The following STRN4 variants were observed in gnomAD, a reference collection of about 807,000 sequenced individuals.
The protein encoded by STRN4 is striatin-4.
STRN4 carries 27 observed loss-of-function variants against 77.9 expected under a neutral mutation model. The observed-to-expected ratio is 0.35, with a 90% CI of 0.26 to 0.48. The LOEUF is 0.48. Among genes scored for constraint, STRN4 ranks in the 20% least tolerant of loss-of-function variants. STRN4 has a pLI of 0.99. For synonymous variants in STRN4, 466 were observed against 443.1 expected, an observed-to-expected ratio of 1.05 and a Z score of -0.65; for missense variants, 798 against 1,049.7, an observed-to-expected ratio of 0.76 and a Z score of 3.31.
At chr19:46,740,590 T>C (rs547179848) in intron 1 of STRN4, among the ~76,000 whole-genome samples, 9 of 151,950 alleles carry the variant, frequency 5.9e-5, no homozygotes, top group Non-Finnish European at 1.3e-4. Context: ...CTCTCCTCCC[T>C]TCCCTCCTGG....
intron 1 of STRN4, among the ~76,000 whole-genome samples, chr19:46,742,253 G>T (rs939018300): frequency 2.0e-5 from 3 of 152,134 alleles, no homozygotes; most frequent in Non-Finnish European, 4.4e-5. Context: ...CCACCTTCCT[G>T]CTCCAAACTT....
At position 46,738,026 on chromosome 19, in the gene STRN4, C is replaced by T; in HGVS notation, c.460+138G>A. On this transcript the variant is annotated intron_variant, in intron 3 of 17. Transcript: ENST00000263280. This position sits in a 1 kb window ranked among gnomAD's most constrained non-coding sequence, Gnocchi z 4.5. ...TAGGGAGGGCTCTGAGAGTGAGATTCCGCCCCTCCCCAGCCCCGGGGCCGA... is the reference window on the plus strand; with the variant it reads ...TAGGGAGGGCTCTGAGAGTGAGATTTCGCCCCTCCCCAGCCCCGGGGCCGA... 1.2e-6 allele frequency: 1 copy of T among 852,672 alleles called. No homozygotes were observed. 52.8% of individuals were successfully genotyped at this position (852,672 alleles called of 1,614,324 possible).
Position 46,746,360 on chromosome 19 carries a change from G to C in STRN4, c.71C>G (p.Ala24Gly), listed in dbSNP as rs2122478684. Residue 24 changes from alanine to glycine, a missense_variant, in exon 1 of 18, where the codon GCG becomes GGG. Ala to Gly is a moderately conservative substitution (Grantham distance 60). Transcript: ENST00000263280. Reference sequence around the variant, plus strand: ...GGCCGCCCCAGTGGGGCCAGGGCCCGCGCCTGAGCCGAGCGGACGGCAGGA... The same window carrying C: ...GGCCGCCCCAGTGGGGCCAGGGCCCCCGCCTGAGCCGAGCGGACGGCAGGA... Reference protein sequence around the residue: ...ASSCRPLGSGAGPGPTGAAPV... With the variant: ...ASSCRPLGSGGGPGPTGAAPV... 8.5e-7 allele frequency: 1 copy of C among 1,174,174 alleles called. No individual in the cohort carries two copies. Among genetic ancestry groups the C allele is most frequent in the Admixed American group, 4.7e-5 (1 of 21,462 alleles). The allele number at this position is 1,174,174 out of a possible 1,614,324, so 72.7% of individuals were successfully genotyped here.
In STRN4 at chr19:46,732,902, G is replaced by A. The variant is rs2054284271; in HGVS notation, c.737+137C>T. 3 of 1,060,440 alleles carry A rather than the reference G, an allele frequency of 2.8e-6. No homozygotes were observed. The East Asian group carries it at 7.8e-5, about 28-fold the overall frequency. 65.7% of individuals were successfully genotyped at this position (1,060,440 alleles called of 1,614,324 possible). Reference sequence around the variant, plus strand: ...AGCAGTGAAGGGACTCAGGGTTTCAGAACAAGGGAGCCCACGGCATACTCC... The same window carrying A: ...AGCAGTGAAGGGACTCAGGGTTTCAAAACAAGGGAGCCCACGGCATACTCC... On this transcript the variant is annotated intron_variant, in intron 5 of 17. Coordinates refer to ENST00000263280, the MANE Select transcript of STRN4 (RefSeq NM_013403.3).
At chr19:46,736,939 C>A (rs1342243316) in intron 3 of STRN4, 38 bp from the exon 4 acceptor site, 18 of 1,600,118 alleles carry the variant, frequency 1.1e-5, no homozygotes, top group Non-Finnish European at 1.5e-5. Flanking sequence ...TTAAGTCAGG[C>A]CACTGCCACC....
In STRN4 at chr19:46,722,925, G is replaced by A. The variant is rs2054014643; in HGVS notation, c.1791C>T (p.Ala597=). The A allele has an allele frequency of 6.2e-7, 1 of 1,613,838 alleles. No individual in the cohort carries two copies. Among genetic ancestry groups the A allele is most frequent in the South Asian group, 1.1e-5 (1 of 91,086 alleles). ...TGTGGGCAGGCTCGGTGCTGGTGAA[G>A]GCCACTGAGGTGGGGACCCCGTGCT... ...ASEHGVPTSV[A]FTSTEPAHIV... Residue 597 remains alanine (A), a synonymous_variant, in exon 14 of 18, where the codon GCC becomes GCT. Transcript: ENST00000263280.
chr19:46,736,764 C>T, intron 4 of STRN4, 59 bp downstream of exon 4: 1 of 1,554,242 alleles, frequency 6.4e-7, no homozygotes, highest in Non-Finnish European at 8.8e-7. Flanking sequence ...AGTCTTTGGA[C>T]TTATCTCTCA....
intron 16 of STRN4, 104 bp downstream of exon 16, chr19:46,721,882 C>T (rs921258949): frequency 1.5e-6 from 2 of 1,290,882 alleles, no homozygotes; most frequent in East Asian, 4.6e-5. Context: ...CAGCCTCCCC[C>T]AGCCCTGGCC....
Position 46,746,388 on chromosome 19 carries a change from A to AGGC in STRN4, c.40_42dup (p.Ala14dup), listed in dbSNP as rs1434686470. ...CCTGAGCCGAGCGGACGGCAGGAGG[A>AGGC]GGCGGCGGCGGCGACCGCGGCGGCC... On this transcript the variant is annotated inframe_insertion, in exon 1 of 18. Transcript: ENST00000263280. 4.6e-5 allele frequency: 49 copies of AGGC among 1,064,660 alleles called. No individual in the cohort carries two copies. The highest frequency in any genetic ancestry group is 4.2e-4 in the Middle Eastern group (1 of 2,358). 66.0% of individuals were successfully genotyped at this position (1,064,660 alleles called of 1,614,324 possible).
Position 46,721,781 on chromosome 19 carries a change from C to A in STRN4, c.2092+205G>T. On this transcript the variant is annotated intron_variant, in intron 16 of 17. Coordinates refer to ENST00000263280, the MANE Select transcript of STRN4 (RefSeq NM_013403.3). ...CCAACCGCACAGGCTGCTTAGAGGC[C>A]GAATGAGACGATGCAGCTCCAGTGA... 3 of 566,646 alleles carry A rather than the reference C, an allele frequency of 5.3e-6. No individual in the cohort carries two copies. The East Asian group carries it at 8.9e-5, about 17-fold the overall frequency. 35.1% of individuals were successfully genotyped at this position (566,646 alleles called of 1,614,324 possible).
intron 4 of STRN4, among the ~76,000 whole-genome samples, chr19:46,734,894 G>C (rs2054327822): frequency 6.6e-6 from 1 of 152,152 alleles, no homozygotes; most frequent in African/African-American, 2.4e-5. Context: ...TCGATCTCCT[G>C]ACCTTGTGAT....
At chr19:46,722,154 C>G (rs1429835624) in intron 15 of STRN4, 82 bp from the exon 16 acceptor site, 1 of 1,599,122 alleles carries the variant, frequency 6.3e-7, no homozygotes, top group Non-Finnish European at 8.6e-7. Flanking sequence ...ACGAGAGACT[C>G]CCAGAGCCTC....
At chr19:46,726,347 G>A (rs562996977) in intron 9 of STRN4, 96 of 152,436 alleles carry the variant, frequency 6.3e-4, no homozygotes, top group African/African-American at 2.1e-3. Flanking sequence ...ATTAGGGGCA[G>A]GTAAAAGTAG....
chr19:46,726,753 C>T (rs570137043), intron 9 of STRN4, among the ~76,000 whole-genome samples: 33 of 152,356 alleles, frequency 2.2e-4, no homozygotes, highest in Admixed American at 7.2e-4. Flanking sequence ...TCCCAGCTGA[C>T]GTCCCTGCCT....
intron 6 of STRN4, among the ~76,000 whole-genome samples, chr19:46,729,152 A>C (rs2054192207): frequency 6.6e-6 from 1 of 152,248 alleles, no homozygotes; most frequent in Non-Finnish European, 1.5e-5. Flanking sequence ...TGAATGGACC[A>C]CAGCATTGCA....
At position 46,723,114 on chromosome 19, in the gene STRN4, C is replaced by A; in HGVS notation, c.1765G>T (p.Glu589Ter). The A allele has an allele frequency of 6.4e-7, 1 of 1,563,432 alleles. No homozygotes were observed. Among genetic ancestry groups the A allele is most frequent in the East Asian group, 2.4e-5 (1 of 41,642 alleles). Residue 589 changes from glutamate (E) to a stop codon, truncating the protein, a stop_gained and splice_region_variant, in exon 13 of 18, where the codon GAG (glutamate) becomes TAG (stop). Transcript: ENST00000263280. LOFTEE classifies it high-confidence loss of function. This position sits in a 1 kb window ranked among gnomAD's most constrained non-coding sequence, Gnocchi z 5.5. ...ACLCTFPTAS[E>*]HGVPTSVAFT... ...GTGAGGCACCGGGGCCCCCACTCAC[C>A]GCTGGCTGTGGGGAAGGTGCAGAGG...
chr19:46,727,554 G>T lies in STRN4; in HGVS notation c.1154-8C>A, dbSNP rs2054146575. 6.2e-7 allele frequency: 1 copy of T among 1,613,718 alleles called. No individual in the cohort carries two copies. Among genetic ancestry groups the T allele is most frequent in the Non-Finnish European group, 8.5e-7 (1 of 1,179,796 alleles). On this transcript the variant is annotated splice_region_variant and splice_polypyrimidine_tract_variant and intron_variant, in intron 8 of 17. Coordinates refer to ENST00000263280, the MANE Select transcript of STRN4 (RefSeq NM_013403.3). ...TGTCCATGATGAAGACGTCTGAGGA[G>T]AAGCCAAAGGAACCTGGTAGGGGGA...
chr19:46,720,801 G>A (rs376102313), intron 16 of STRN4, 30 bp from the exon 17 acceptor site: 1 of 1,520,182 alleles, frequency 6.6e-7, no homozygotes, highest in Non-Finnish European at 8.9e-7. Flanking sequence ...AGAAGGGGTG[G>A]TCACTGGGCT....
chr19:46,722,664 TG>T, intron 14 of STRN4, 145 bp downstream of exon 14: 1 of 1,308,588 alleles, frequency 7.6e-7, no homozygotes, highest in Non-Finnish European at 1.0e-6. Flanking sequence ...GGCCCTCCAC[TG>T]GGACCCAACT....
Sources: gnomAD v4.1 joint callset for allele counts (sites outside exome capture counted in the v4.1 genomes callset) on GRCh38, gnomAD v4.1.1 for gene constraint, Gnocchi (gnomAD v3.1) non-coding constraint, MANE v1.5 for transcripts, NCBI Gene and HGNC (gene_info 2026-07-23, HGNC 2026-07-21) for gene names.